The following DNAH10 variants were observed in gnomAD, a reference collection of about 807,000 sequenced individuals.
The protein encoded by DNAH10 is axonemal beta dynein heavy chain 10.
In DNAH10, 348 loss-of-function variants were observed where a neutral mutation model predicts 506.6. The observed-to-expected ratio is 0.69, with a 90% confidence interval of 0.63 to 0.75. The LOEUF is 0.75. DNAH10 is among the 30% of genes least tolerant of loss of function. The pLI is 0.00. For synonymous variants in DNAH10, 2,059 were observed against 2,198.6 expected (o/e 0.94, Z 1.78); for missense variants, 5,179 against 5,787.1 (o/e 0.89, Z 3.41).
chr12:123,861,605 TC>T (rs1413283358), intron 39 of DNAH10, among the ~76,000 whole-genome samples: 1 of 152,238 alleles, frequency 6.6e-6, no homozygotes, highest in African/African-American at 2.4e-5. Flanking sequence ...GCCACGGCTT[TC>T]CATCTGTAGA....
Position 123,774,256 on chromosome 12 carries a change from A to G in DNAH10, c.613A>G (p.Ile205Val), listed in dbSNP as rs762576637. ...ANVLHFLKNIICQVFLPALSF... is the reference protein window; with the variant it reads ...ANVLHFLKNIVCQVFLPALSF... ...TGTGCTCCATTTTCTGAAGAATATT[A>G]TATGTCAGGTAAACATGGAGAAAGG... Residue 205 changes from isoleucine to valine, a missense_variant, in exon 5 of 79, where the codon ATA becomes GTA. By Grantham distance (29) the Ile-to-Val change is conservative. Transcript: ENST00000673944. 3.5e-5 allele frequency: 56 copies of G among 1,591,314 alleles called. No individual in the cohort carries two copies. In the Admixed American group the frequency reaches 1.0e-3, roughly 28 times the overall value.
At chr12:123,793,731 TA>T (rs1160309238) in intron 11 of DNAH10, among the ~76,000 whole-genome samples, 1 of 152,226 alleles carries the variant, frequency 6.6e-6, no homozygotes, top group Non-Finnish European at 1.5e-5. Context: ...GTTAATACTT[TA>T]AAAAATTCCT....
At chr12:123,912,484 T>C (rs1225035575) in intron 59 of DNAH10, among the ~76,000 whole-genome samples, 2 of 55,366 alleles carry the variant, frequency 3.6e-5, no homozygotes, top group African/African-American at 8.2e-5. Flanking sequence ...TGGGGGGGGG[T>C]CTGTCCTGGG....
Position 123,832,325 on chromosome 12 carries a change from G to A in DNAH10, c.4546-789G>A, listed in dbSNP as rs185964077. Among the ~76,000 whole-genome samples the A allele has an allele frequency of 6.1e-4, 92 of 151,894 alleles. 1 individual carries two copies. The highest frequency in any genetic ancestry group is 1.3e-3 in the African/African-American group (52 of 41,366). On this transcript the variant is annotated intron_variant, in intron 26 of 78. Transcript: ENST00000673944. Reference sequence around the variant, plus strand: ...CACACAGTGTACCTAGTATGCACACGTACATATAATGTACACACATATACA... The same window carrying A: ...CACACAGTGTACCTAGTATGCACACATACATATAATGTACACACATATACA...
At chr12:123,767,819 G>A in intron 2 of DNAH10, 130 bp downstream of exon 2, 2 of 775,470 alleles carry the variant, frequency 2.6e-6, no homozygotes, top group Non-Finnish European at 4.3e-6. Flanking sequence ...AGAAAGTGCT[G>A]GGTCATGAAT....
In DNAH10 at chr12:123,897,783, G is replaced by A. The variant is rs1201923271; in HGVS notation, c.9294G>A (p.Met3098Ile). The change falls in exon 55 of 79, where the codon ATG becomes ATA. Residue 3098 changes from methionine to isoleucine, a missense_variant. Around this residue, in one of 3 missense-constraint regions of DNAH10, gnomAD observed 4,844 missense variants for 5,430.5 expected, o/e 0.89. Coordinates refer to ENST00000673944, the MANE Select transcript of DNAH10 (RefSeq NM_001372106.1). ...VAKSFLGYNP[M>I]IPAENIENVV... ...CTTCCTCTTCAGGGTATAATCCAATGATCCCGGCAGAAAATATAGAAAATG... is the reference window on the plus strand; with the variant it reads ...CTTCCTCTTCAGGGTATAATCCAATAATCCCGGCAGAAAATATAGAAAATG... 6.2e-7 allele frequency: 1 copy of A among 1,607,706 alleles called. No homozygotes were observed. The highest frequency in any genetic ancestry group is 8.5e-7 in the Non-Finnish European group (1 of 1,178,468).
rs779495193 is a variant in DNAH10 at position 123,814,214 on chromosome 12, TAAG to T, written c.3780+307_3780+309del. On this transcript the variant is annotated intron_variant, in intron 21 of 78. Coordinates refer to ENST00000673944, the MANE Select transcript of DNAH10 (RefSeq NM_001372106.1). ...AGATAAAGAGCTCTTGCAAAAATGA[TAAG>T]AAGAGAGTGAAAGATTTAAGATAAT... The T allele has an allele frequency of 6.1e-5, 13 of 211,896 alleles. No individual in the cohort carries two copies. In the South Asian group the frequency reaches 7.4e-4, roughly 12 times the overall value. The allele number at this position is 211,896 out of a possible 1,614,324, so 13.1% of individuals were successfully genotyped here.
Position 123,913,360 on chromosome 12 carries a change from C to T in DNAH10, c.10352+45C>T, listed in dbSNP as rs1353197115. The T allele has an allele frequency of 4.0e-6, 6 of 1,508,594 alleles. No homozygotes were observed. The highest frequency in any genetic ancestry group is 3.7e-5 in the South Asian group (3 of 80,208). The allele number at this position is 1,508,594 out of a possible 1,614,324, so 93.5% of individuals were successfully genotyped here. The stretch of plus-strand genomic sequence containing the variant: ...CCACCTGTTGCGGTTTGTAAACGGA[C>T]GTCACCCACAGAGTTTCTCGCCATG... On this transcript the variant is annotated intron_variant, in intron 60 of 78. Coordinates refer to ENST00000673944, the MANE Select transcript of DNAH10 (RefSeq NM_001372106.1). This position sits in a 1 kb window ranked among gnomAD's most constrained non-coding sequence, Gnocchi z 5.1.
intron 18 of DNAH10, among the ~76,000 whole-genome samples, chr12:123,805,248 C>G (rs1958622416): frequency 6.6e-6 from 1 of 152,166 alleles, no homozygotes; most frequent in South Asian, 2.1e-4. Context: ...AAGGATCCCT[C>G]TCCCCACTTC....
rs1952765400 is a variant in DNAH10, at chr12:123,887,035, G to A, written c.8824-107G>A. 4.3e-6 allele frequency: 6 copies of A among 1,381,554 alleles called. No homozygotes were observed. The South Asian group carries it at 6.1e-5, about 14-fold the overall frequency. The allele number at this position is 1,381,554 out of a possible 1,614,324, so 85.6% of individuals were successfully genotyped here. A position where few individuals can be genotyped will look rare whatever the true frequency, so the allele number is the denominator to read the frequency against. ...TTCCTGACCTACTTCCTCGAGCTTG[G>A]ACAGACCCACGCCCTCTGCACTCTC... is the stretch of plus-strand genomic sequence containing the variant. On this transcript the variant is annotated intron_variant, in intron 51 of 78. Transcript: ENST00000673944.
chr12:123,831,544 T>C (rs4930732), intron 26 of DNAH10, among the ~76,000 whole-genome samples: 47,118 of 152,056 alleles, frequency 0.31, 7,800 homozygotes, highest in Non-Finnish European at 0.37. Context: ...AGGAACTACA[T>C]TGAGTACGGC....
chr12:123,935,529 C>CAGGA lies in DNAH10; in HGVS notation c.*50_*51insGAAG, dbSNP rs3833500. 0.33 allele frequency: 516,085 copies of CAGGA among 1,545,858 alleles called. 90,415 individuals carry two copies. Among genetic ancestry groups the CAGGA allele is most frequent in the African/African-American group, 0.54 (39,988 of 73,780 alleles). On this transcript the variant is annotated 3_prime_UTR_variant, in exon 79 of 79. Transcript: ENST00000673944. ...TAATGAATTCGGAGCCTGGGGTTGT[C>CAGGA]AGAGTGATCGGGTCTGCTGTCATTT...
intron 29 of DNAH10, among the ~76,000 whole-genome samples, chr12:123,840,395 T>G (rs1950726493): frequency 8.4e-5 from 1 of 11,930 alleles, no homozygotes; most frequent in Admixed American, 5.4e-4. Flanking sequence ...CTGTTTCCAG[T>G]TTTTTTTTTT....
intron 15 of DNAH10, 89 bp from the exon 16 acceptor site, chr12:123,801,192 C>T: frequency 2.1e-6 from 3 of 1,405,492 alleles, no homozygotes; most frequent in South Asian, 3.2e-5. Flanking sequence ...TGATTGAGAC[C>T]ACGGTCTTTT....
At chr12:123,851,768 C>T (rs1441874193) in intron 35 of DNAH10, among the ~76,000 whole-genome samples, 1 of 152,188 alleles carries the variant, frequency 6.6e-6, no homozygotes, top group Non-Finnish European at 1.5e-5. Context: ...CAGAACTATT[C>T]CATCACCACG....
In DNAH10 at chr12:123,913,373, G is replaced by T; in HGVS notation, c.10352+58G>T. The T allele has an allele frequency of 6.8e-7, 1 of 1,480,920 alleles. No individual in the cohort carries two copies. The highest frequency in any genetic ancestry group is 9.0e-7 in the Non-Finnish European group (1 of 1,106,030). 91.7% of individuals were successfully genotyped at this position (1,480,920 alleles called of 1,614,324 possible). On this transcript the variant is annotated intron_variant, in intron 60 of 78. Transcript: ENST00000673944. The surrounding 1 kb of genome is among the most constrained non-coding windows in gnomAD (Gnocchi z 5.1). ...TTTGTAAACGGACGTCACCCACAGA[G>T]TTTCTCGCCATGTTGATTCTTTATC...
At chr12:123,904,551 AG>A (rs1953687013) in intron 57 of DNAH10, among the ~76,000 whole-genome samples, 1 of 152,144 alleles carries the variant, frequency 6.6e-6, no homozygotes, top group Admixed American at 6.5e-5. Flanking sequence ...GGCCAAATAG[AG>A]GGCGTGGCAT....
intron 47 of DNAH10, 129 bp from the exon 48 acceptor site, chr12:123,877,607 T>C: frequency 7.6e-7 from 1 of 1,309,308 alleles, no homozygotes; most frequent in South Asian, 1.6e-5. Flanking sequence ...TGAGCCACCG[T>C]GACTGGCCAA....
chr12:123,810,566 G>C (rs575806641), intron 19 of DNAH10, among the ~76,000 whole-genome samples: 5 of 152,206 alleles, frequency 3.3e-5, no homozygotes, highest in African/African-American at 1.2e-4. Flanking sequence ...GGTGGCGGGC[G>C]CCTGTGGTCC....
Sources: gnomAD v4.1 joint callset for allele counts (sites outside exome capture counted in the v4.1 genomes callset) on GRCh38, gnomAD v4.1.1 for gene constraint, gnomAD v4.1.1 regional missense constraint, Gnocchi (gnomAD v3.1) non-coding constraint, MANE v1.5 for transcripts, NCBI Gene and HGNC (gene_info 2026-07-23, HGNC 2026-07-21) for gene names.